Variants in SMAP2 observed in about 807,000 individuals in gnomAD.
SMAP2 encodes small ArfGAP2.
SMAP2 carries 25 observed loss-of-function variants against 56.4 expected under a neutral mutation model. That is an observed-to-expected ratio of 0.44 (90% CI 0.32 to 0.62). SMAP2 has a LOEUF of 0.62. Among genes scored for constraint, SMAP2 ranks in the 20% least tolerant of loss-of-function variants. The pLI, the probability that SMAP2 is intolerant of heterozygous loss-of-function variation, is 0.04. For synonymous variants in SMAP2, 157 were observed against 181.7 expected, an observed-to-expected ratio of 0.86 and a Z score of 1.09; for missense variants, 388 against 545.6, an observed-to-expected ratio of 0.71 and a Z score of 2.88.
chr1:40,422,137 C>A lies in SMAP2; in HGVS notation c.*36C>A, dbSNP rs1482179357. 6.2e-7 allele frequency: 1 copy of A among 1,610,386 alleles called. No homozygotes were observed. The highest frequency in any genetic ancestry group is 1.3e-5 in the African/African-American group (1 of 74,858). ...CCTGTATGGCTGCCATTCTCTTCAGCCCTCGCTCTCCCCTTTCCACAGCCT... is the reference window on the plus strand; with the variant it reads ...CCTGTATGGCTGCCATTCTCTTCAGACCTCGCTCTCCCCTTTCCACAGCCT... On this transcript the variant is annotated 3_prime_UTR_variant, in exon 10 of 10. Coordinates refer to ENST00000372718, the MANE Select transcript of SMAP2 (RefSeq NM_022733.3).
intron 8 of SMAP2, 104 bp downstream of exon 8, chr1:40,416,445 T>C (rs1373489027): frequency 1.4e-5 from 19 of 1,334,492 alleles, no homozygotes; most frequent in Non-Finnish European, 1.9e-5. Context: ...GGGGCCAGGA[T>C]GTCATACACC....
At chr1:40,379,921 A>T (rs1008523749) in intron 1 of SMAP2, among the ~76,000 whole-genome samples, 2 of 152,216 alleles carry the variant, frequency 1.3e-5, no homozygotes. Context: ...GAGGCAGAGT[A>T]ATGGAAGAGT....
In SMAP2 at chr1:40,399,325, T is replaced by TTA. The variant is rs1569885204; in HGVS notation, c.104-7410_104-7409insAT. On this transcript the variant is annotated intron_variant, in intron 1 of 9. Transcript: ENST00000372718. ...ACGTGTGGCTATTTTTTTTTTTTTT[T>TTA]TTTTTTGTATTTTTAGTAGAGATGG... Among the ~76,000 whole-genome samples, 4 of 144,186 alleles carry TTA rather than the reference T, an allele frequency of 2.8e-5. No individual in the cohort carries two copies. The East Asian group carries it at 6.0e-4, about 22-fold the overall frequency. The allele number at this position is 144,186 out of a possible 152,430, so 94.6% of individuals were successfully genotyped here. A position where few individuals can be genotyped will look rare whatever the true frequency, so the allele number is the denominator to read the frequency against.
At chr1:40,384,938 TC>T (rs2124245522) in intron 1 of SMAP2, among the ~76,000 whole-genome samples, 1 of 152,318 alleles carries the variant, frequency 6.6e-6, no homozygotes, top group African/African-American at 2.4e-5. Flanking sequence ...GTTTGACTAT[TC>T]CGTTTCCCAC....
intron 1 of SMAP2, among the ~76,000 whole-genome samples, chr1:40,360,147 C>CA (rs1045616994): frequency 5.3e-5 from 8 of 149,818 alleles, no homozygotes; most frequent in African/African-American, 1.5e-4. Context: ...GCTGGGACTA[C>CA]AGGTGCCCAC....
intron 1 of SMAP2, among the ~76,000 whole-genome samples, chr1:40,399,651 A>G (rs952469130): frequency 6.7e-6 from 1 of 150,282 alleles, no homozygotes; most frequent in African/African-American, 2.5e-5. Context: ...GCTGTGAGCT[A>G]TGATCGCACC....
At chr1:40,412,885 CA>C in intron 4 of SMAP2, 130 bp from the exon 5 acceptor site, 2 of 657,668 alleles carry the variant, frequency 3.0e-6, no homozygotes, top group East Asian at 5.8e-5. Flanking sequence ...CACCGCCCCC[CA>C]AGCTTGTCAG....
chr1:40,359,392 C>T (rs765652914), intron 1 of SMAP2, among the ~76,000 whole-genome samples: 6 of 152,120 alleles, frequency 3.9e-5, no homozygotes, highest in Non-Finnish European at 7.4e-5. Flanking sequence ...CATGAGCCAC[C>T]GCACCCCTAT....
intron 2 of SMAP2, among the ~76,000 whole-genome samples, chr1:40,363,421 G>A (rs1644467597): frequency 1.3e-5 from 2 of 152,102 alleles, no homozygotes; most frequent in Admixed American, 6.5e-5. Context: ...ATGGGGCAGA[G>A]GATTACTGTT....
upstream of SMAP2, among the ~76,000 whole-genome samples, chr1:40,371,761 G>A (rs1644497174): frequency 6.6e-6 from 1 of 152,302 alleles, no homozygotes; most frequent in Admixed American, 6.5e-5. Context: ...TTAGTGAAGA[G>A]CGCTAATTGT....
chr1:40,377,861 G>T (rs899956945), intron 1 of SMAP2, among the ~76,000 whole-genome samples: 1 of 152,120 alleles, frequency 6.6e-6, no homozygotes, highest in Admixed American at 6.5e-5. Flanking sequence ...GTATCCAGGG[G>T]GGATTGGTTC....
At chr1:40,403,727 G>A (rs1017052858) in intron 1 of SMAP2, 1 of 836,126 alleles carries the variant, frequency 1.2e-6, no homozygotes, top group Non-Finnish European at 1.4e-6. Flanking sequence ...TATAGATGAG[G>A]AAACTAAGGC....
intron 1 of SMAP2, among the ~76,000 whole-genome samples, chr1:40,360,305 C>CT (rs34776166): frequency 0.019 from 2,069 of 111,348 alleles, 28 homozygotes; most frequent in South Asian, 0.047. Flanking sequence ...CGTGCCTGAG[C>CT]TTTTTTTTTT....
intron 1 of SMAP2, among the ~76,000 whole-genome samples, chr1:40,347,241 T>TGTTG (rs1553187325): frequency 3.4e-5 from 1 of 29,514 alleles, no homozygotes; most frequent in African/African-American, 4.5e-4. Context: ...TGTGTGTGTG[T>TGTTG]TTTGTTTTTG....
At chr1:40,400,194 G>A (rs552156090) in intron 1 of SMAP2, among the ~76,000 whole-genome samples, 1 of 152,314 alleles carries the variant, frequency 6.6e-6, no homozygotes, top group Non-Finnish European at 1.5e-5. Context: ...CCCTGAGGAA[G>A]GAACATGTTG....
intron 1 of SMAP2, chr1:40,393,203 G>A (rs1456871904): frequency 4.1e-6 from 3 of 730,160 alleles, no homozygotes; most frequent in Admixed American, 3.8e-5. Context: ...GCACATGCCT[G>A]TAGTCCCAGC....
chr1:40,357,473 CAA>C (rs202073076), intron 1 of SMAP2, among the ~76,000 whole-genome samples: 2 of 141,562 alleles, frequency 1.4e-5, no homozygotes, highest in Non-Finnish European at 1.6e-5. Flanking sequence ...ACAACAACCA[CAA>C]AAAAAAAAAA....
intron 1 of SMAP2, chr1:40,375,824 G>GC: frequency 1.2e-6 from 1 of 838,332 alleles, no homozygotes; most frequent in Non-Finnish European, 1.3e-6. Flanking sequence ...TTGGTGACTA[G>GC]AACCCCCCCC....
chr1:40,361,881 A>C (rs1557823617), intron 1 of SMAP2, among the ~76,000 whole-genome samples: 1 of 152,180 alleles, frequency 6.6e-6, no homozygotes, highest in Non-Finnish European at 1.5e-5. Context: ...ATTTTTGACA[A>C]AGTGTGCATG....
Sources: gnomAD v4.1 joint callset for allele counts (sites outside exome capture counted in the v4.1 genomes callset) on GRCh38, gnomAD v4.1.1 for gene constraint, MANE v1.5 for transcripts, NCBI Gene and HGNC (gene_info 2026-07-23, HGNC 2026-07-21) for gene names.